Variants in FBXW7 observed in about 807,000 individuals in gnomAD.
FBXW7 encodes the protein F-box/WD repeat-containing protein 7.
Under a neutral mutation model 86.3 loss-of-function variants are expected in FBXW7, and 11 were observed. The observed-to-expected ratio is 0.13, with a 90% CI of 0.08 to 0.21. The LOEUF is 0.21. Among genes scored for constraint, FBXW7 ranks in the 10% least tolerant of loss-of-function variants. The pLI, the probability that FBXW7 is intolerant of heterozygous loss-of-function variation, is 1.00. For synonymous variants in FBXW7, 313 were observed against 297.9 expected (o/e 1.05, Z -0.52); for missense variants, 488 against 847.4 (o/e 0.58, Z 5.27).
intron 2 of FBXW7, among the ~76,000 whole-genome samples, chr4:152,468,848 G>T: frequency 6.6e-6 from 1 of 151,722 alleles, no homozygotes; most frequent in Admixed American, 6.6e-5. Flanking sequence ...CATCAATAGG[G>T]AAAAAAATGA....
In FBXW7 at chr4:152,384,768, C is replaced by T. The variant is rs573189988; in HGVS notation, c.501+26535G>A. On this transcript the variant is annotated intron_variant, in intron 4 of 13. Transcript: ENST00000281708. ...GGAATAATCATCACCAAAAAAACCT[C>T]GAGAGATCTAAGGTTAGGAGAGAGA... is the stretch of plus-strand genomic sequence containing the variant. Among the ~76,000 whole-genome samples the T allele has an allele frequency of 4.0e-5, 6 of 151,818 alleles. No homozygotes were observed. The East Asian group carries it at 1.2e-3, about 29-fold the overall frequency.
intron 4 of FBXW7, among the ~76,000 whole-genome samples, chr4:152,371,388 A>G (rs75196553): frequency 0.03 from 4,511 of 152,056 alleles, 108 homozygotes; most frequent in African/African-American, 0.058. Flanking sequence ...AAGTTGTTTC[A>G]CAAAAATATT....
intron 4 of FBXW7, among the ~76,000 whole-genome samples, chr4:152,402,960 T>A (rs1737078919): frequency 6.6e-6 from 1 of 152,230 alleles, no homozygotes; most frequent in Non-Finnish European, 1.5e-5. Context: ...ACCTCATTTG[T>A]AAGTTCAAGT....
chr4:152,330,287 C>T (rs369683163), intron 9 of FBXW7, among the ~76,000 whole-genome samples: 145 of 151,876 alleles, frequency 9.5e-4, no homozygotes, highest in African/African-American at 3.4e-3. Context: ...TTTTACCATT[C>T]TTTATGTATT....
intron 2 of FBXW7, among the ~76,000 whole-genome samples, chr4:152,426,054 C>G (rs1739357016): frequency 6.6e-6 from 1 of 152,130 alleles, no homozygotes. Flanking sequence ...CTCTGAAATC[C>G]TCAAGCAGTG....
chr4:152,498,878 A>G (rs921571857), intron 2 of FBXW7, among the ~76,000 whole-genome samples: 5 of 152,240 alleles, frequency 3.3e-5, no homozygotes, highest in African/African-American at 1.2e-4. Flanking sequence ...GGGAAAAAAT[A>G]GAGTATAAGT....
intron 2 of FBXW7, among the ~76,000 whole-genome samples, chr4:152,521,139 C>A (rs543382671): frequency 1.3e-5 from 2 of 152,092 alleles, no homozygotes; most frequent in South Asian, 4.2e-4. Context: ...CAGGTGTTGA[C>A]TAAGACAAGA....
intron 8 of FBXW7, 79 bp from the exon 9 acceptor site, chr4:152,330,947 TAA>T: frequency 6.4e-6 from 9 of 1,409,708 alleles, no homozygotes; most frequent in Non-Finnish European, 8.7e-6. Context: ...TCCATCTTTA[TAA>T]AGAGTATTCC....
chr4:152,507,971 G>A (rs993981026), intron 2 of FBXW7, among the ~76,000 whole-genome samples: 6 of 152,020 alleles, frequency 3.9e-5, no homozygotes, highest in Non-Finnish European at 8.8e-5. Context: ...CGGAGGCTAA[G>A]GCAGGGGGAT....
intron 2 of FBXW7, among the ~76,000 whole-genome samples, chr4:152,414,019 G>GCT (rs1381991571): frequency 2.0e-5 from 3 of 152,126 alleles, no homozygotes; most frequent in Non-Finnish European, 4.4e-5. Flanking sequence ...CTGAGCCATT[G>GCT]CTCCTAGGGG....
intron 2 of FBXW7, among the ~76,000 whole-genome samples, chr4:152,470,651 CTT>C (rs973797356): frequency 1.3e-5 from 2 of 151,978 alleles, no homozygotes; most frequent in African/African-American, 2.4e-5. Flanking sequence ...TTATAATAAA[CTT>C]ATAGTACAAA....
chr4:152,331,459 T>G (rs931851431), intron 8 of FBXW7, among the ~76,000 whole-genome samples: 1 of 152,036 alleles, frequency 6.6e-6, no homozygotes, highest in African/African-American at 2.4e-5. Context: ...TGAAATAAGC[T>G]GATTACAAAA....
chr4:152,336,292 TATTG>T (rs1305554355), intron 7 of FBXW7, among the ~76,000 whole-genome samples: 4 of 152,130 alleles, frequency 2.6e-5, no homozygotes, highest in Non-Finnish European at 2.9e-5. Flanking sequence ...TTACCCTGGT[TATTG>T]ATTATTTGTT....
intron 2 of FBXW7, among the ~76,000 whole-genome samples, chr4:152,511,038 ATT>A (rs774650775): frequency 7.1e-5 from 10 of 140,606 alleles, no homozygotes; most frequent in Admixed American, 7.1e-5. Flanking sequence ...ACCACGGTTA[ATT>A]TTTTTTTTTT....
intron 4 of FBXW7, among the ~76,000 whole-genome samples, chr4:152,375,271 A>C (rs1486398682): frequency 6.6e-6 from 1 of 152,100 alleles, no homozygotes; most frequent in Non-Finnish European, 1.5e-5. Flanking sequence ...TGTCACTTAT[A>C]CTGTAAAGAT....
chr4:152,510,594 A>T (rs754384487), intron 2 of FBXW7, among the ~76,000 whole-genome samples: 175 of 152,334 alleles, frequency 1.1e-3, no homozygotes, highest in Non-Finnish European at 2.6e-4. Context: ...CAAGCCTAAT[A>T]CGGGGCAAGA....
At chr4:152,430,815 G>C (rs1226766694) in intron 2 of FBXW7, among the ~76,000 whole-genome samples, 1 of 152,050 alleles carries the variant, frequency 6.6e-6, no homozygotes, top group Non-Finnish European at 1.5e-5. Flanking sequence ...TAACTAAGAT[G>C]GATATTCTTC....
intron 4 of FBXW7, among the ~76,000 whole-genome samples, chr4:152,393,592 A>G (rs542644940): frequency 6.6e-6 from 1 of 152,280 alleles, no homozygotes; most frequent in South Asian, 2.1e-4. Context: ...CAAACAATTC[A>G]TTCTAGAAAA....
At chr4:152,467,994 C>A (rs1296328363) in intron 2 of FBXW7, among the ~76,000 whole-genome samples, 2 of 148,894 alleles carry the variant, frequency 1.3e-5, no homozygotes, top group South Asian at 4.2e-4. Context: ...TTTTAATGGG[C>A]AAAGGAGTTG....
Sources: allele counts gnomAD v4.1 joint callset (sites outside exome capture counted in the v4.1 genomes callset), GRCh38; gene constraint gnomAD v4.1.1; transcripts MANE v1.5; gene names NCBI Gene and HGNC (gene_info 2026-07-23, HGNC 2026-07-21).